Variants in RUFY2 observed in about 807,000 individuals in gnomAD.
RUFY2 encodes RUN and FYVE domain containing 2, also known as RUN and FYVE domain-containing protein 2.
In RUFY2, 49 loss-of-function variants were observed where a neutral mutation model predicts 94.4. The observed-to-expected ratio is 0.52, with a 90% CI of 0.41 to 0.66. The LOEUF (loss-of-function observed/expected upper bound fraction) is 0.66. Among genes scored for constraint, RUFY2 ranks in the 30% least tolerant of loss-of-function variants. RUFY2 has a pLI of 0.00. For synonymous variants in RUFY2, 255 were observed against 235.7 expected, an observed-to-expected ratio of 1.08 and a Z score of -0.75; for missense variants, 541 against 692.8, an observed-to-expected ratio of 0.78 and a Z score of 2.46.
At position 68,343,824 on chromosome 10, in the gene RUFY2, AAAAAAAAAAGC is replaced by A. The variant is rs2046119231; in HGVS notation, c.*1933_*1943del. On this transcript the variant is annotated 3_prime_UTR_variant, in exon 18 of 18. Transcript: ENST00000602465. ...AAAGCTGCCTAAAAAAAAAAAAAAA[AAAAAAAAAAGC>A]AAGTCAGTCAGTGTTGATACATGAG... 7.2e-6 allele frequency: 1 copy of A among 139,620 alleles called. No homozygotes were observed. Among genetic ancestry groups the A allele is most frequent in the South Asian group, 2.6e-4 (1 of 3,920 alleles). 8.6% of individuals were successfully genotyped at this position (139,620 alleles called of 1,614,324 possible).
rs927943521 is a variant in RUFY2, at chr10:68,384,023, T to C, written c.822+28A>G. 1.9e-6 allele frequency: 3 copies of C among 1,594,172 alleles called. No homozygotes were observed. The African/African-American group carries it at 4.0e-5, about 21-fold the overall frequency. ...AAAATGGTAATTTCTGACACGAGAT[T>C]GTCTGCTTGAAAGCAGTCTATACTT... On this transcript the variant is annotated intron_variant, in intron 9 of 17. Transcript: ENST00000602465.
At chr10:68,370,770 G>A (rs1398378285) in intron 13 of RUFY2, among the ~76,000 whole-genome samples, 1 of 151,896 alleles carries the variant, frequency 6.6e-6, no homozygotes, top group East Asian at 1.9e-4. Flanking sequence ...GGTGAGGGAA[G>A]AATGAATGAA....
At chr10:68,394,160 A>T (rs960623698) in intron 5 of RUFY2, 24 bp from the exon 6 acceptor site, 16 of 1,481,176 alleles carry the variant, frequency 1.1e-5, no homozygotes, top group Non-Finnish European at 1.4e-5. Context: ...AGTTTTTTTT[A>T]ATTTAAAGGG....
downstream of RUFY2, chr10:68,341,294 G>T: frequency 6.2e-7 from 1 of 1,600,234 alleles, no homozygotes; most frequent in Non-Finnish European, 8.5e-7. Context: ...CATGTCTAAA[G>T]ATAAAAATAA....
chr10:68,387,422 T>C (rs563472477), intron 7 of RUFY2, among the ~76,000 whole-genome samples: 1 of 152,120 alleles, frequency 6.6e-6, no homozygotes, highest in African/African-American at 2.4e-5. Context: ...TCTAATAAAA[T>C]GTAATATTCT....
In RUFY2 at chr10:68,389,826, G is replaced by A. The variant is rs572958888; in HGVS notation, c.650+3312C>T. ...AAAAGTGAAAATAGTAAGGTATAGAGTAGTGTGAAAGTATGCTACCTAATA... is the reference window on the plus strand; with the variant it reads ...AAAAGTGAAAATAGTAAGGTATAGAATAGTGTGAAAGTATGCTACCTAATA... On this transcript the variant is annotated intron_variant, in intron 7 of 17. Coordinates refer to ENST00000602465, the MANE Select transcript of RUFY2 (RefSeq NM_001330103.2). Among the ~76,000 whole-genome samples, 3 of 152,160 alleles carry A rather than the reference G, an allele frequency of 2.0e-5. No individual in the cohort carries two copies. In the South Asian group the frequency reaches 6.2e-4, roughly 32 times the overall value.
chr10:68,397,684 C>CAGGA (rs2050491849), intron 3 of RUFY2, among the ~76,000 whole-genome samples: 2 of 151,840 alleles, frequency 1.3e-5, no homozygotes, highest in African/African-American at 4.8e-5. Flanking sequence ...GAGGCTGAGA[C>CAGGA]AGGAGGTTGC....
In RUFY2 at chr10:68,345,761, T is replaced by TACATAA. The variant is rs755012113; in HGVS notation, c.*6_*7insTTATGT. On this transcript the variant is annotated 3_prime_UTR_variant, in exon 18 of 18. Transcript: ENST00000602465. ...AATTTCATACATAAGGATTTAGTTC[T>TACATAA]GGAGTCTCAGGGCAAGTTAGATGAG... is the stretch of plus-strand genomic sequence containing the variant. 1 of 1,609,220 alleles carries TACATAA rather than the reference T, an allele frequency of 6.2e-7. No individual in the cohort carries two copies. Among genetic ancestry groups the TACATAA allele is most frequent in the Non-Finnish European group, 8.5e-7 (1 of 1,177,002 alleles).
At chr10:68,399,232 CAT>C (rs1272751861) in intron 3 of RUFY2, among the ~76,000 whole-genome samples, 2 of 151,704 alleles carry the variant, frequency 1.3e-5, no homozygotes, top group Non-Finnish European at 2.9e-5. Flanking sequence ...TTTTAGTAGA[CAT>C]GTGGTTTCGC....
At chr10:68,369,378 G>C (rs970700416) in intron 13 of RUFY2, among the ~76,000 whole-genome samples, 4 of 151,796 alleles carry the variant, frequency 2.6e-5, no homozygotes, top group Non-Finnish European at 5.9e-5. Flanking sequence ...CCAGCTACTA[G>C]GGGGGCTGAG....
intron 15 of RUFY2, among the ~76,000 whole-genome samples, chr10:68,362,818 C>T (rs1209054165): frequency 1.3e-5 from 2 of 151,872 alleles, no homozygotes; most frequent in Non-Finnish European, 2.9e-5. Context: ...AGGCAAAACA[C>T]CATTTCTCCT....
intron 16 of RUFY2, chr10:68,346,370 C>T (rs1376100118): frequency 1.0e-5 from 3 of 293,776 alleles, no homozygotes; most frequent in East Asian, 7.6e-5. Context: ...GTGAGAGGAT[C>T]GCCTGAGGCC....
At chr10:68,370,466 T>C (rs74423241) in intron 13 of RUFY2, among the ~76,000 whole-genome samples, 1 of 149,188 alleles carries the variant, frequency 6.7e-6, no homozygotes, top group Non-Finnish European at 1.5e-5. Flanking sequence ...TTTTTTTTTT[T>C]TGAGACAGAG....
At chr10:68,358,518 T>G (rs1156763069) in intron 15 of RUFY2, among the ~76,000 whole-genome samples, 1 of 152,228 alleles carries the variant, frequency 6.6e-6, no homozygotes, top group Non-Finnish European at 1.5e-5. Flanking sequence ...TCAGGAAAAC[T>G]GACTCTTGGG....
rs1166695023 is a variant in RUFY2 at position 68,344,096 on chromosome 10, C to T, written c.*1672G>A. 6.6e-6 allele frequency: 1 copy of T among 152,202 alleles called. No individual in the cohort carries two copies. The highest frequency in any genetic ancestry group is 1.5e-5 in the Non-Finnish European group (1 of 68,038). The allele number at this position is 152,202 out of a possible 1,614,324, so 9.4% of individuals were successfully genotyped here. A position where few individuals can be genotyped will look rare whatever the true frequency, so the allele number is the denominator to read the frequency against. Reference sequence around the variant, plus strand: ...ATATAATCCTCTCTTGAGGACATTTCTGTCAGTATTCAAGAAAGACCATCT... The same window carrying T: ...ATATAATCCTCTCTTGAGGACATTTTTGTCAGTATTCAAGAAAGACCATCT... On this transcript the variant is annotated 3_prime_UTR_variant, in exon 18 of 18. Coordinates refer to ENST00000602465, the MANE Select transcript of RUFY2 (RefSeq NM_001330103.2).
At chr10:68,384,716 G>A (rs1233752461) in intron 8 of RUFY2, among the ~76,000 whole-genome samples, 1 of 152,168 alleles carries the variant, frequency 6.6e-6, no homozygotes, top group African/African-American at 2.4e-5. Flanking sequence ...GTTTGACTCT[G>A]AGGCCCAGAA....
rs2048790620 is a variant in RUFY2, at chr10:68,378,134, G to A, written c.1206-1162C>T. 7.1e-6 allele frequency: 7 copies of A among 985,752 alleles called. No homozygotes were observed. The South Asian group carries it at 1.4e-4, about 20-fold the overall frequency. The allele number at this position is 985,752 out of a possible 1,614,324, so 61.1% of individuals were successfully genotyped here. ...AAGCACAGGGTGTTGGCCAGTCTGG[G>A]TTATAAATTATTTTAAAGCATATGT... On this transcript the variant is annotated intron_variant, in intron 12 of 17. Coordinates refer to ENST00000602465, the MANE Select transcript of RUFY2 (RefSeq NM_001330103.2).
At chr10:68,404,047 C>T (rs928258774) in intron 2 of RUFY2, among the ~76,000 whole-genome samples, 2 of 152,146 alleles carry the variant, frequency 1.3e-5, no homozygotes, top group Admixed American at 6.5e-5. Flanking sequence ...TACATAGATA[C>T]TCATCGTATG....
Position 68,404,832 on chromosome 10 carries a change from G to A in RUFY2, c.17C>T (p.Pro6Leu). ...CAAGTTTGCTCTCTCTACAGCTGTG[G>A]GGTCTTTTGTAGCTGAAAACACAAG... MATKDPTAVERANLLN... is the reference protein window; with the variant it reads MATKDLTAVERANLLN... The change falls in exon 2 of 18, where the codon CCC becomes CTC. Residue 6 changes from proline to leucine, a missense_variant. By Grantham distance (98) the Pro-to-Leu change is moderately conservative (BLOSUM62 -3). Coordinates refer to ENST00000602465, the MANE Select transcript of RUFY2 (RefSeq NM_001330103.2). 6.4e-7 allele frequency: 1 copy of A among 1,564,208 alleles called. No homozygotes were observed.
Sources: allele counts gnomAD v4.1 joint callset (sites outside exome capture counted in the v4.1 genomes callset), GRCh38; gene constraint gnomAD v4.1.1; transcripts MANE v1.5; gene names NCBI Gene and HGNC (gene_info 2026-07-23, HGNC 2026-07-21).